TFCP2L1: variants seen among roughly 807,000 people sequenced by gnomAD.
TFCP2L1 encodes transcription factor CP2 like 1.
A neutral mutation model predicts 72.2 loss-of-function variants in TFCP2L1; 12 were observed. The observed-to-expected ratio is 0.17, with a 90% confidence interval of 0.11 to 0.27. TFCP2L1 has a LOEUF of 0.27. TFCP2L1 is among the 10% of genes least tolerant of loss of function. TFCP2L1 has a pLI of 1.00. For synonymous variants in TFCP2L1, 260 were observed against 251.0 expected (o/e 1.04, Z -0.34); for missense variants, 488 against 624.6 (o/e 0.78, Z 2.33).
chr2:121,236,116 T>C (rs553336676), intron 10 of TFCP2L1, among the ~76,000 whole-genome samples: 1 of 152,302 alleles, frequency 6.6e-6, no homozygotes, highest in African/African-American at 2.4e-5. Context: ...TTACCTATCA[T>C]TGTGTGACTA....
chr2:121,253,266 C>A (rs59952953), intron 2 of TFCP2L1, among the ~76,000 whole-genome samples: 6 of 152,200 alleles, frequency 3.9e-5, no homozygotes, highest in African/African-American at 1.4e-4. Flanking sequence ...ACGCGCTGGA[C>A]GCCTTTCCCA....
intron 7 of TFCP2L1, chr2:121,240,773 A>T: frequency 1.0e-6 from 1 of 977,534 alleles, no homozygotes; most frequent in Non-Finnish European, 1.2e-6. Context: ...ACGGGAAGAA[A>T]CTGGTCTGGC....
chr2:121,268,636 A>G (rs947822834), intron 2 of TFCP2L1, among the ~76,000 whole-genome samples: 2 of 152,018 alleles, frequency 1.3e-5, no homozygotes, highest in Non-Finnish European at 2.9e-5. Context: ...CCTATTTTAC[A>G]GAAAATGCAG....
intron 13 of TFCP2L1, among the ~76,000 whole-genome samples, chr2:121,227,822 G>T (rs1401229820): frequency 6.6e-6 from 1 of 151,178 alleles, no homozygotes; most frequent in Non-Finnish European, 1.5e-5. Flanking sequence ...GCCTGCTCTG[G>T]ATTACTGCCT....
chr2:121,230,414 C>T (rs1383907871), intron 13 of TFCP2L1, among the ~76,000 whole-genome samples: 1 of 152,082 alleles, frequency 6.6e-6, no homozygotes, highest in African/African-American at 2.4e-5. Flanking sequence ...TCAGGTGATC[C>T]GCCCACCTCG....
At chr2:121,252,380 T>C (rs1280322174) in intron 2 of TFCP2L1, among the ~76,000 whole-genome samples, 1 of 152,100 alleles carries the variant, frequency 6.6e-6, no homozygotes, top group Admixed American at 6.5e-5. Flanking sequence ...AGCAATTGAT[T>C]AGTACCAAGA....
intron 10 of TFCP2L1, 144 bp from the exon 11 acceptor site, chr2:121,235,455 A>G (rs1466751569): frequency 5.4e-6 from 4 of 746,732 alleles, no homozygotes; most frequent in African/African-American, 5.2e-5. Context: ...AAATGGCAAA[A>G]TGCTCAACAA....
intron 2 of TFCP2L1, among the ~76,000 whole-genome samples, chr2:121,278,896 T>G (rs1687200647): frequency 6.6e-6 from 1 of 150,824 alleles, no homozygotes; most frequent in Non-Finnish European, 1.5e-5. Flanking sequence ...ACCAGCTACT[T>G]AGGAGGCTGA....
At chr2:121,257,404 C>T (rs1686749440) in intron 2 of TFCP2L1, among the ~76,000 whole-genome samples, 1 of 152,162 alleles carries the variant, frequency 6.6e-6, no homozygotes, top group Non-Finnish European at 1.5e-5. Context: ...TGGTTCCTGC[C>T]CAAGGGCCCT....
intron 2 of TFCP2L1, among the ~76,000 whole-genome samples, chr2:121,269,918 A>AAAAAAAAAAAAAGAATAT: frequency 8.7e-6 from 1 of 115,182 alleles, no homozygotes; most frequent in Non-Finnish European, 1.7e-5. Flanking sequence ...AAAAAAAAAA[A>AAAAAAAAAAAAAGAATAT]ATATATATAT....
At chr2:121,232,871 A>G (rs1348857464) in intron 12 of TFCP2L1, among the ~76,000 whole-genome samples, 2 of 152,072 alleles carry the variant, frequency 1.3e-5, no homozygotes, top group East Asian at 1.9e-4. Flanking sequence ...GCAGGAGCAA[A>G]TGCCACCGGC....
intron 2 of TFCP2L1, among the ~76,000 whole-genome samples, chr2:121,250,809 G>GTT: frequency 6.6e-6 from 1 of 151,698 alleles, no homozygotes; most frequent in Admixed American, 6.6e-5. Flanking sequence ...GTTTCACCAT[G>GTT]TTAGCCAGGC....
intron 2 of TFCP2L1, among the ~76,000 whole-genome samples, chr2:121,278,741 C>T (rs1353889804): frequency 6.7e-6 from 1 of 149,968 alleles, no homozygotes; most frequent in East Asian, 2.0e-4. Context: ...TGGTGGCTCA[C>T]ACCTGTAATC....
rs1212869790 is a variant in TFCP2L1, at chr2:121,218,356, A to AAATC, written c.*5981_*5984dup. ...GTTCAAAGATAATATTCCCTATCAT[A>AAATC]AATCAGTGGCATAAACAGCCAGTGG... On this transcript the variant is annotated 3_prime_UTR_variant, in exon 15 of 15. Coordinates refer to ENST00000263707, the MANE Select transcript of TFCP2L1 (RefSeq NM_014553.3). 2 of 152,222 alleles carry AAATC rather than the reference A, an allele frequency of 1.3e-5. No individual in the cohort carries two copies. The highest frequency in any genetic ancestry group is 4.8e-5 in the African/African-American group (2 of 41,452). 9.4% of individuals were successfully genotyped at this position (152,222 alleles called of 1,614,324 possible). A position where few individuals can be genotyped will look rare whatever the true frequency, so the allele number is the denominator to read the frequency against.
intron 6 of TFCP2L1, among the ~76,000 whole-genome samples, chr2:121,243,531 A>T (rs1686420444): frequency 6.6e-6 from 1 of 152,194 alleles, no homozygotes. Flanking sequence ...TCTTACTGTG[A>T]AGTAAATACT....
At chr2:121,239,016 T>C (rs377360190) in intron 8 of TFCP2L1, among the ~76,000 whole-genome samples, 245 of 152,218 alleles carry the variant, frequency 1.6e-3, no homozygotes, top group African/African-American at 5.4e-3. Flanking sequence ...CCCCGTGCTG[T>C]GCAGCCCACA....
chr2:121,282,389 G>A (rs539931853), intron 1 of TFCP2L1, among the ~76,000 whole-genome samples: 20 of 145,698 alleles, frequency 1.4e-4, no homozygotes, highest in Admixed American at 8.3e-4. Context: ...GTTTCTGGAC[G>A]TATTTTTTAA....
intron 2 of TFCP2L1, among the ~76,000 whole-genome samples, chr2:121,280,162 CTT>C (rs922384355): frequency 3.3e-5 from 5 of 151,530 alleles, no homozygotes; most frequent in African/African-American, 1.2e-4. Flanking sequence ...AATTATACTT[CTT>C]GTTTTACACA....
At chr2:121,245,957 G>A (rs1686471967) in intron 6 of TFCP2L1, among the ~76,000 whole-genome samples, 1 of 152,210 alleles carries the variant, frequency 6.6e-6, no homozygotes, top group South Asian at 2.1e-4. Flanking sequence ...TTCTCAGCAG[G>A]CTCCAAATTC....
Sources: gnomAD v4.1 joint callset for allele counts (sites outside exome capture counted in the v4.1 genomes callset) on GRCh38, gnomAD v4.1.1 for gene constraint, MANE v1.5 for transcripts, NCBI Gene and HGNC (gene_info 2026-07-23, HGNC 2026-07-21) for gene names.